GK5: variants seen among roughly 807,000 people sequenced by gnomAD.
GK5 encodes glycerol kinase 5, also known as ATP:glycerol 3-phosphotransferase 5.
GK5 carries 39 observed loss-of-function variants against 77.3 expected under a neutral mutation model. That is an observed-to-expected ratio of 0.50 (90% CI 0.39 to 0.66). The LOEUF (loss-of-function observed/expected upper bound fraction) is 0.66. GK5 is among the 30% of genes least tolerant of loss of function. The probability of loss-of-function intolerance (pLI) is 0.00; values close to 1 mark genes in which losing one functional copy is unlikely to be tolerated. For missense variants in GK5, 487 were observed against 633.8 expected, an observed-to-expected ratio of 0.77 and a Z score of 2.49; for synonymous variants, 211 against 208.0, an observed-to-expected ratio of 1.01 and a Z score of -0.13.
intron 1 of GK5, among the ~76,000 whole-genome samples, chr3:142,221,310 G>C (rs2064343960): frequency 6.6e-6 from 1 of 152,128 alleles, no homozygotes; most frequent in East Asian, 1.9e-4. Context: ...GACTGTAATA[G>C]TTTAACTACA....
At position 142,225,573 on chromosome 3, in the gene GK5, C is replaced by CCTA; in HGVS notation, c.-121_-119dup. ...GCCCCAACCCGGCTCAGCCGGAGAGCCTAGAGAGGCCTGGCCCCTGCCGCC... is the reference window on the plus strand; with the variant it reads ...GCCCCAACCCGGCTCAGCCGGAGAGCCTACTAGAGAGGCCTGGCCCCTGCCGCC... On this transcript the variant is annotated 5_prime_UTR_variant, in exon 1 of 16. Coordinates refer to ENST00000392993, the MANE Select transcript of GK5 (RefSeq NM_001039547.3). 7.0e-6 allele frequency: 9 copies of CCTA among 1,283,198 alleles called. No individual in the cohort carries two copies. Among genetic ancestry groups the CCTA allele is most frequent in the Non-Finnish European group, 8.3e-6 (8 of 963,186 alleles). 79.5% of individuals were successfully genotyped at this position (1,283,198 alleles called of 1,614,324 possible). A position where few individuals can be genotyped will look rare whatever the true frequency, so the allele number is the denominator to read the frequency against.
chr3:142,185,209 C>T (rs2063752397), intron 9 of GK5: 15 of 654,902 alleles, frequency 2.3e-5, no homozygotes, highest in Non-Finnish European at 2.5e-5. Context: ...TCTAGGAGTT[C>T]GAGATCAGCC....
chr3:142,200,626 C>T (rs1405399537), intron 4 of GK5, among the ~76,000 whole-genome samples: 2 of 152,200 alleles, frequency 1.3e-5, no homozygotes, highest in African/African-American at 4.8e-5. Flanking sequence ...ATACACCCTA[C>T]ACTATTCTCA....
intron 5 of GK5, among the ~76,000 whole-genome samples, chr3:142,189,461 T>C (rs1290508706): frequency 2.6e-5 from 4 of 152,220 alleles, no homozygotes; most frequent in African/African-American, 9.6e-5. Context: ...TTGTTAAATT[T>C]AGAAATTTTT....
rs1178525470 is a variant in GK5 at position 142,161,225 on chromosome 3, TGACTA to T, written c.*4392_*4396del. On this transcript the variant is annotated 3_prime_UTR_variant, in exon 16 of 16. Coordinates refer to ENST00000392993, the MANE Select transcript of GK5 (RefSeq NM_001039547.3). ...AAGCGGTTCTCCTGCCTCAGCCTCC[TGACTA>T]GCTGGGATTACAGGCATGTGCCACA... is the stretch of plus-strand genomic sequence containing the variant. 1 of 152,206 alleles carries T rather than the reference TGACTA, an allele frequency of 6.6e-6. No homozygotes were observed. Among genetic ancestry groups the T allele is most frequent in the Non-Finnish European group, 1.5e-5 (1 of 68,112 alleles). The allele number at this position is 152,206 out of a possible 1,614,324, so 9.4% of individuals were successfully genotyped here.
In GK5 at chr3:142,161,589, A is replaced by G. The variant is rs947526534; in HGVS notation, c.*4033T>C. The G allele has an allele frequency of 6.6e-6, 1 of 152,194 alleles. No individual in the cohort carries two copies. The highest frequency in any genetic ancestry group is 2.4e-5 in the African/African-American group (1 of 41,442). The allele number at this position is 152,194 out of a possible 1,614,324, so 9.4% of individuals were successfully genotyped here. ...TCAGGGAGCTTCCAGTCTGGTAGAG[A>G]TTTACACAGAAGGCAGATTAAAGAG... On this transcript the variant is annotated 3_prime_UTR_variant, in exon 16 of 16. Coordinates refer to ENST00000392993, the MANE Select transcript of GK5 (RefSeq NM_001039547.3).
chr3:142,222,286 C>T (rs1040076281), intron 1 of GK5, among the ~76,000 whole-genome samples: 1 of 152,136 alleles, frequency 6.6e-6, no homozygotes, highest in Non-Finnish European at 1.5e-5. Context: ...TATTCATTGG[C>T]CAGGCGCAGT....
intron 4 of GK5, among the ~76,000 whole-genome samples, chr3:142,200,841 T>C (rs997240230): frequency 6.6e-6 from 1 of 152,212 alleles, no homozygotes; most frequent in African/African-American, 2.4e-5. Context: ...CTAGGCCTTG[T>C]AAAAACAAAT....
chr3:142,224,873 AAAATGT>A (rs1339420106), intron 1 of GK5, among the ~76,000 whole-genome samples: 1 of 152,254 alleles, frequency 6.6e-6, no homozygotes, highest in Non-Finnish European at 1.5e-5. Context: ...TTGAAAAATT[AAAATGT>A]AAATAAAGAT....
At chr3:142,165,889 C>T (rs559074001) in intron 15 of GK5, 119 bp from the exon 16 acceptor site, 3 of 606,040 alleles carry the variant, frequency 5.0e-6, no homozygotes, top group Admixed American at 7.2e-5. Flanking sequence ...TTAAAACAAT[C>T]CAAAATACTT....
rs147968714 is a variant in GK5, at chr3:142,204,760, T to C, written c.346A>G (p.Ile116Val). The C allele has an allele frequency of 2.0e-5, 32 of 1,576,824 alleles. No individual in the cohort carries two copies. In the African/African-American group the frequency reaches 3.4e-4, roughly 17 times the overall value. Reference sequence around the variant, plus strand: ...ACAGCTCTTAAGTCTTGCCAACTTATAAAGTTGTGAAAATGATTTCCTGTT... The same window carrying C: ...ACAGCTCTTAAGTCTTGCCAACTTACAAAGTTGTGAAAATGATTTCCTGTT... The part of the protein sequence containing the change: ...KKTGNHFHNF[I>V]SWQDLRAVEL... Residue 116 changes from isoleucine (I) to valine (V), a missense_variant, in exon 4 of 16, where the codon ATA becomes GTA. Ile to Val is a conservative substitution (Grantham distance 29, BLOSUM62 3). Transcript: ENST00000392993.
chr3:142,206,222 A>G (rs753001583), intron 3 of GK5, among the ~76,000 whole-genome samples: 38 of 152,156 alleles, frequency 2.5e-4, no homozygotes, highest in Non-Finnish European at 4.6e-4. Context: ...CTGCTTTAAT[A>G]TTGTTGTGAA....
At chr3:142,188,702 C>A (rs116483854) in intron 5 of GK5, among the ~76,000 whole-genome samples, 161 of 152,310 alleles carry the variant, frequency 1.1e-3, no homozygotes, top group Non-Finnish European at 1.9e-3. Flanking sequence ...ATATGAAACT[C>A]AAATTTCAGT....
In GK5 at chr3:142,225,496, A is replaced by C. The variant is rs2064416463; in HGVS notation, c.-41T>G. ...CTCTCCGCTACAGCCGCCTACCCAGAGGGCGCGCTACAAATCCCAATGCTC... is the reference window on the plus strand; with the variant it reads ...CTCTCCGCTACAGCCGCCTACCCAGCGGGCGCGCTACAAATCCCAATGCTC... On this transcript the variant is annotated 5_prime_UTR_variant, in exon 1 of 16. Coordinates refer to ENST00000392993, the MANE Select transcript of GK5 (RefSeq NM_001039547.3). The C allele has an allele frequency of 6.3e-7, 1 of 1,584,822 alleles. No individual in the cohort carries two copies. The highest frequency in any genetic ancestry group is 1.1e-5 in the South Asian group (1 of 87,774).
At chr3:142,220,971 G>T (rs912082967) in intron 1 of GK5, among the ~76,000 whole-genome samples, 2 of 152,152 alleles carry the variant, frequency 1.3e-5, no homozygotes, top group African/African-American at 4.8e-5. Context: ...TTTATTTCTG[G>T]AGGGGTTGAA....
intron 5 of GK5, among the ~76,000 whole-genome samples, chr3:142,195,121 G>C (rs1394199256): frequency 6.6e-6 from 1 of 151,908 alleles, no homozygotes; most frequent in Non-Finnish European, 1.5e-5. Flanking sequence ...CTACTGACAT[G>C]ATCATGTGTT....
In GK5 at chr3:142,161,792, T is replaced by G. The variant is rs916730031; in HGVS notation, c.*3830A>C. The G allele has an allele frequency of 4.0e-5, 6 of 151,786 alleles. No individual in the cohort carries two copies. The highest frequency in any genetic ancestry group is 1.3e-4 in the Admixed American group (2 of 15,232). 9.4% of individuals were successfully genotyped at this position (151,786 alleles called of 1,614,324 possible). A position where few individuals can be genotyped will look rare whatever the true frequency, so the allele number is the denominator to read the frequency against. On this transcript the variant is annotated 3_prime_UTR_variant, in exon 16 of 16. Coordinates refer to ENST00000392993, the MANE Select transcript of GK5 (RefSeq NM_001039547.3). Reference sequence around the variant, plus strand: ...AGAAGACAATTACAGCATGAGATATTGATTGATTGATTGATTGATTGATTG... The same window carrying G: ...AGAAGACAATTACAGCATGAGATATGGATTGATTGATTGATTGATTGATTG...
At chr3:142,215,745 A>ATGGGTCTT in intron 1 of GK5, 53 bp from the exon 2 acceptor site, 1 of 830,914 alleles carries the variant, frequency 1.2e-6, no homozygotes. Flanking sequence ...AGTCAATAGT[A>ATGGGTCTT]TGGGTCTTTG....
At chr3:142,176,325 G>A (rs1285216605) in intron 12 of GK5, among the ~76,000 whole-genome samples, 3 of 151,738 alleles carry the variant, frequency 2.0e-5, no homozygotes, top group Admixed American at 1.3e-4. Flanking sequence ...CTAATTGCCT[G>A]AATATGAGAT....
Sources: gnomAD v4.1 joint callset for allele counts (sites outside exome capture counted in the v4.1 genomes callset) on GRCh38, gnomAD v4.1.1 for gene constraint, MANE v1.5 for transcripts, NCBI Gene and HGNC (gene_info 2026-07-23, HGNC 2026-07-21) for gene names.